The following TTC27 variants were observed in gnomAD, a reference collection of about 807,000 sequenced individuals.
TTC27 encodes tetratricopeptide repeat domain 27.
A neutral mutation model predicts 115.9 loss-of-function variants in TTC27; 79 were observed. The observed-to-expected ratio is 0.68, with a 90% CI of 0.57 to 0.82. The LOEUF (loss-of-function observed/expected upper bound fraction) is 0.82. TTC27 is among the 40% of genes least tolerant of loss of function. The pLI is 0.00. For missense variants in TTC27, 1,054 were observed against 993.1 expected, an observed-to-expected ratio of 1.06 and a Z score of -0.82; for synonymous variants, 401 against 356.0, an observed-to-expected ratio of 1.13 and a Z score of -1.42.
rs749148497 is a variant in TTC27, at chr2:32,812,466, A to G, written c.2197-38A>G. On this transcript the variant is annotated intron_variant, in intron 17 of 19. Coordinates refer to ENST00000317907, the MANE Select transcript of TTC27 (RefSeq NM_017735.5). ...AAACAGAGTTTGAAATGTGAATTCTACTTGTTATTCTGAATGTTGTTCTTT... is the reference window on the plus strand; with the variant it reads ...AAACAGAGTTTGAAATGTGAATTCTGCTTGTTATTCTGAATGTTGTTCTTT... 3.8e-5 allele frequency: 55 copies of G among 1,440,036 alleles called. No individual in the cohort carries two copies. In the South Asian group the frequency reaches 6.2e-4, roughly 16 times the overall value. 89.2% of individuals were successfully genotyped at this position (1,440,036 alleles called of 1,614,324 possible).
intron 9 of TTC27, among the ~76,000 whole-genome samples, chr2:32,691,679 A>G (rs1666816683): frequency 6.6e-6 from 1 of 152,138 alleles, no homozygotes; most frequent in Admixed American, 6.5e-5. Context: ...ATTGCTGAAG[A>G]GAATTGATTC....
chr2:32,638,086 G>A (rs1049367554), intron 3 of TTC27, among the ~76,000 whole-genome samples: 1 of 152,290 alleles, frequency 6.6e-6, no homozygotes, highest in African/African-American at 2.4e-5. Context: ...CTACCAGCGT[G>A]GGCTGGTTTG....
At chr2:32,766,816 C>T (rs994958931) in intron 13 of TTC27, among the ~76,000 whole-genome samples, 1 of 152,082 alleles carries the variant, frequency 6.6e-6, no homozygotes, top group African/African-American at 2.4e-5. Context: ...AACAGGGTCT[C>T]ACTCTGTCAC....
At chr2:32,719,194 A>G (rs906135051) in intron 10 of TTC27, among the ~76,000 whole-genome samples, 6 of 152,328 alleles carry the variant, frequency 3.9e-5, no homozygotes, top group East Asian at 1.9e-4. Context: ...GTGACATCCA[A>G]CAGATGAAGC....
chr2:32,736,668 T>G (rs761297170), intron 11 of TTC27, 26 bp from the exon 12 acceptor site: 1 of 1,613,372 alleles, frequency 6.2e-7, no homozygotes, highest in South Asian at 1.1e-5. Flanking sequence ...CAAGAAGTAT[T>G]AATTATTTTT....
rs1434123436 is a variant in TTC27, at chr2:32,708,301, CTTGTTT to C, written c.1233+5384_1233+5389del. On this transcript the variant is annotated intron_variant, in intron 10 of 19. Coordinates refer to ENST00000317907, the MANE Select transcript of TTC27 (RefSeq NM_017735.5). Reference sequence around the variant, plus strand: ...CTTAATAGCGTTTTCTTTTCTCTACCTTGTTTTTTTTTTTTTTTTTTTTTTAATGAG... The same window carrying C: ...CTTAATAGCGTTTTCTTTTCTCTACCTTTTTTTTTTTTTTTTTTTAATGAG... 1.1e-4 allele frequency among the ~76,000 whole-genome samples: 9 copies of C among 80,260 alleles called. 1 individual carries two copies. The highest frequency in any genetic ancestry group is 4.8e-4 in the African/African-American group (9 of 18,656). The allele number at this position is 80,260 out of a possible 152,430, so 52.7% of individuals were successfully genotyped here.
chr2:32,777,328 G>A (rs539801696), intron 13 of TTC27, among the ~76,000 whole-genome samples: 3 of 152,176 alleles, frequency 2.0e-5, no homozygotes, highest in Non-Finnish European at 2.9e-5. Context: ...AGGCGTCACC[G>A]CCCCCAACCC....
chr2:32,682,844 G>GTTTTTTTTTTTTTTTTTTTTTTTTT lies in TTC27; in HGVS notation c.1119+3924_1119+3925insTTTTTTTTTTTTTTTTTTTTTTTTT, dbSNP rs142030247. 3.5e-4 allele frequency among the ~76,000 whole-genome samples: 20 copies of GTTTTTTTTTTTTTTTTTTTTTTTTT among 56,980 alleles called. 4 individuals are homozygous for GTTTTTTTTTTTTTTTTTTTTTTTTT. Among genetic ancestry groups the GTTTTTTTTTTTTTTTTTTTTTTTTT allele is most frequent in the African/African-American group, 7.5e-4 (10 of 13,302 alleles). The allele number at this position is 56,980 out of a possible 152,430, so 37.4% of individuals were successfully genotyped here. A position where few individuals can be genotyped will look rare whatever the true frequency, so the allele number is the denominator to read the frequency against. On this transcript the variant is annotated intron_variant, in intron 9 of 19. Transcript: ENST00000317907. Reference sequence around the variant, plus strand: ...CCACCACACCCGGATAATTTTTATTGTTGTTTTTTTTTTTTTTTTTTTTTT... The same window carrying GTTTTTTTTTTTTTTTTTTTTTTTTT: ...CCACCACACCCGGATAATTTTTATTGTTTTTTTTTTTTTTTTTTTTTTTTTTTGTTTTTTTTTTTTTTTTTTTTTT...
intron 12 of TTC27, among the ~76,000 whole-genome samples, chr2:32,751,103 G>A (rs1256141091): frequency 6.6e-6 from 1 of 152,072 alleles, no homozygotes; most frequent in Non-Finnish European, 1.5e-5. Context: ...TGCTGTATCA[G>A]TACCCTGCTT....
intron 10 of TTC27, among the ~76,000 whole-genome samples, chr2:32,708,938 G>A (rs1176636355): frequency 6.6e-6 from 1 of 152,146 alleles, no homozygotes; most frequent in African/African-American, 2.4e-5. Context: ...TTCCAGTCAA[G>A]AGTAGACTAT....
chr2:32,699,831 A>G (rs17012109), intron 9 of TTC27, among the ~76,000 whole-genome samples: 17,552 of 152,184 alleles, frequency 0.12, 1,441 homozygotes, highest in African/African-American at 0.24. Context: ...TATTTTCAGT[A>G]TTTAGTGAGA....
At position 32,758,459 on chromosome 2, in the gene TTC27, C is replaced by T. The variant is rs2273665; in HGVS notation, c.1620C>T (p.Asn540=). 0.39 allele frequency: 626,328 copies of T among 1,613,882 alleles called. 125,257 individuals carry two copies. Among genetic ancestry groups the T allele is most frequent in the Non-Finnish European group, 0.41 (483,861 of 1,179,918 alleles). ...CCAAAGCCCTCCTTCATCTTCGGAA[C>T]AAGGAGTTTCAAGAGTGTGTAGAGT... The part of the protein sequence containing the change: ...QRSKALLHLR[N]KEFQECVECF... Residue 540 remains asparagine, a synonymous_variant, in exon 13 of 20, where the codon AAC becomes AAT. Coordinates refer to ENST00000317907, the MANE Select transcript of TTC27 (RefSeq NM_017735.5).
At chr2:32,653,014 G>T (rs570105458) in intron 5 of TTC27, among the ~76,000 whole-genome samples, 87 of 152,276 alleles carry the variant, frequency 5.7e-4, no homozygotes, top group Non-Finnish European at 9.4e-4. Flanking sequence ...GAGTAGGTCA[G>T]AATCTATTCC....
rs538094509 is a variant in TTC27, at chr2:32,796,709, A to G, written c.1998+9560A>G. 2.0e-5 allele frequency among the ~76,000 whole-genome samples: 3 copies of G among 152,314 alleles called. No homozygotes were observed. In the East Asian group the frequency reaches 5.8e-4, roughly 29 times the overall value. On this transcript the variant is annotated intron_variant, in intron 16 of 19. Coordinates refer to ENST00000317907, the MANE Select transcript of TTC27 (RefSeq NM_017735.5). ...ATGGCCCAAACAACTTTTAAAAAGAACAACAAAGCTAGGGGACTCATGCTT... is the reference window on the plus strand; with the variant it reads ...ATGGCCCAAACAACTTTTAAAAAGAGCAACAAAGCTAGGGGACTCATGCTT...
chr2:32,712,694 T>C (rs994161245), intron 10 of TTC27, among the ~76,000 whole-genome samples: 2 of 151,912 alleles, frequency 1.3e-5, no homozygotes, highest in Non-Finnish European at 2.9e-5. Context: ...ACTACAGGTG[T>C]GCGTCACCAC....
chr2:32,743,486 A>T (rs568110830), intron 12 of TTC27, among the ~76,000 whole-genome samples: 1 of 152,158 alleles, frequency 6.6e-6, no homozygotes, highest in African/African-American at 2.4e-5. Flanking sequence ...AATTTCCCAT[A>T]TAACAACTTG....
chr2:32,709,740 G>C (rs1431361106), intron 10 of TTC27, among the ~76,000 whole-genome samples: 1 of 152,112 alleles, frequency 6.6e-6, no homozygotes, highest in Admixed American at 6.5e-5. Flanking sequence ...TGCTGAAAAA[G>C]CTGATAGTCC....
At chr2:32,637,387 A>G (rs959555833) in intron 3 of TTC27, among the ~76,000 whole-genome samples, 6 of 151,340 alleles carry the variant, frequency 4.0e-5, no homozygotes, top group Admixed American at 6.6e-5. Flanking sequence ...GCTGGAGTGC[A>G]GTGGCGCAAT....
At chr2:32,765,307 C>T (rs943345511) in intron 13 of TTC27, among the ~76,000 whole-genome samples, 11 of 150,528 alleles carry the variant, frequency 7.3e-5, no homozygotes, top group Non-Finnish European at 1.6e-4. Context: ...CATCAGAGCT[C>T]TTGTGTGACG....
Sources: allele counts gnomAD v4.1 joint callset (sites outside exome capture counted in the v4.1 genomes callset), GRCh38; gene constraint gnomAD v4.1.1; transcripts MANE v1.5; gene names NCBI Gene and HGNC (gene_info 2026-07-23, HGNC 2026-07-21).